The following KCNQ1 variants were observed in gnomAD, a reference collection of about 807,000 sequenced individuals.
KCNQ1 encodes the protein potassium voltage-gated channel subfamily Q member 1.
In KCNQ1, 49 loss-of-function variants were observed where a neutral mutation model predicts 72.4. The ratio of observed to expected loss-of-function variants is 0.68; its 90% CI spans 0.54 to 0.86. The LOEUF (loss-of-function observed/expected upper bound fraction) is 0.86. KCNQ1 is among the 40% of genes least tolerant of loss of function. The pLI, the probability that KCNQ1 is intolerant of heterozygous loss-of-function variation, is 0.00. For missense variants in KCNQ1, 790 were observed against 945.1 expected, an observed-to-expected ratio of 0.84 and a Z score of 2.15; for synonymous variants, 450 against 412.6, an observed-to-expected ratio of 1.09 and a Z score of -1.10.
At position 2,486,278 on chromosome 11, in the gene KCNQ1, T is replaced by C. The variant is rs1846739511; in HGVS notation, c.386+40794T>C. On this transcript the variant is annotated intron_variant, in intron 1 of 15. Transcript: ENST00000155840. This position sits in a 1 kb window ranked among gnomAD's most constrained non-coding sequence, Gnocchi z 5.0. ...GTTGAGTATCTTTTCATGCTCTTAT[T>C]AGCCATTTGTATATCTTCTTTGGAG... Among the ~76,000 whole-genome samples, 1 of 152,224 alleles carries C rather than the reference T, an allele frequency of 6.6e-6. No individual in the cohort carries two copies. The highest frequency in any genetic ancestry group is 1.5e-5 in the Non-Finnish European group (1 of 68,024).
rs372176660 is a variant in KCNQ1 at position 2,824,750 on chromosome 11, G to A, written c.1795-23017G>A. Among the ~76,000 whole-genome samples, 14 of 151,586 alleles carry A rather than the reference G, an allele frequency of 9.2e-5. No homozygotes were observed. The highest frequency in any genetic ancestry group is 1.3e-4 in the Non-Finnish European group (9 of 67,674). On this transcript the variant is annotated intron_variant, in intron 15 of 15. Coordinates refer to ENST00000155840, the MANE Select transcript of KCNQ1 (RefSeq NM_000218.3). This position sits in a 1 kb window ranked among gnomAD's most constrained non-coding sequence, Gnocchi z 5.9. Reference sequence around the variant, plus strand: ...GAGCTTGGGCATCCTAGAGGCCCCCGGGACAGCTTTGAGGAAGGAACGTCC... The same window carrying A: ...GAGCTTGGGCATCCTAGAGGCCCCCAGGACAGCTTTGAGGAAGGAACGTCC...
chr11:2,606,880 A>G (rs114446108), intron 10 of KCNQ1, among the ~76,000 whole-genome samples: 1,537 of 144,808 alleles, frequency 0.011, 21 homozygotes, highest in African/African-American at 0.034. Context: ...GTTAAGTATG[A>G]TATTATCTGT....
In KCNQ1 at chr11:2,824,033, G is replaced by T. The variant is rs574080115; in HGVS notation, c.1795-23734G>T. Among the ~76,000 whole-genome samples the T allele has an allele frequency of 6.6e-6, 1 of 152,282 alleles. No homozygotes were observed. The highest frequency in any genetic ancestry group is 2.1e-4 in the South Asian group (1 of 4,814). On this transcript the variant is annotated intron_variant, in intron 15 of 15. Transcript: ENST00000155840. The surrounding 1 kb of genome is among the most constrained non-coding windows in gnomAD (Gnocchi z 5.9). Reference sequence around the variant, plus strand: ...AGCTGGGCATGCACACTAAGGCCTGGAGGCTTGTGCTTATCCATCATATAG... The same window carrying T: ...AGCTGGGCATGCACACTAAGGCCTGTAGGCTTGTGCTTATCCATCATATAG...
intron 1 of KCNQ1, among the ~76,000 whole-genome samples, chr11:2,496,524 T>TTTTTTTA (rs1182469581): frequency 7.2e-6 from 1 of 138,450 alleles, no homozygotes; most frequent in Admixed American, 7.6e-5. Context: ...TTTTTTTGCT[T>TTTTTTTA]TCCATTGCTT....
intron 1 of KCNQ1, among the ~76,000 whole-genome samples, chr11:2,512,880 C>T (rs1413941907): frequency 2.0e-5 from 3 of 152,332 alleles, no homozygotes; most frequent in South Asian, 2.1e-4. Context: ...TGGCGAGATC[C>T]TTGCTGTGTC....
intron 15 of KCNQ1, among the ~76,000 whole-genome samples, chr11:2,833,429 G>A (rs1847994630): frequency 6.6e-6 from 1 of 152,170 alleles, no homozygotes; most frequent in South Asian, 2.1e-4. Context: ...AGACTGCATA[G>A]ATGTGAGGGA....
At chr11:2,628,044 G>A (rs899754211) in intron 10 of KCNQ1, 7 of 398,474 alleles carry the variant, frequency 1.8e-5, no homozygotes, top group African/African-American at 4.1e-5. Context: ...AAGCCACCAT[G>A]CCTATGAATA....
chr11:2,796,126 G>A (rs1054123602), intron 15 of KCNQ1, among the ~76,000 whole-genome samples: 10 of 152,234 alleles, frequency 6.6e-5, no homozygotes, highest in East Asian at 1.9e-4. Context: ...GGCTTATGGC[G>A]CAATGCACTT....
At chr11:2,453,685 A>G (rs921734241) in intron 1 of KCNQ1, among the ~76,000 whole-genome samples, 3 of 152,224 alleles carry the variant, frequency 2.0e-5, no homozygotes, top group African/African-American at 7.2e-5. Context: ...TCTGTGAGGA[A>G]GGGATTTGGC....
intron 11 of KCNQ1, among the ~76,000 whole-genome samples, chr11:2,738,954 A>G (rs1251120344): frequency 6.6e-6 from 1 of 152,198 alleles, no homozygotes; most frequent in Non-Finnish European, 1.5e-5. Flanking sequence ...ACTCACCAGC[A>G]GGGTTGGGGC....
In KCNQ1 at chr11:2,691,436, G is replaced by C; in HGVS notation, c.1514+29355G>C. ...TGTGGGGAGTCCACTGAAGCTCCCTGCCCCCACTGAGTCTCTGATGTTGAC... is the reference window on the plus strand; with the variant it reads ...TGTGGGGAGTCCACTGAAGCTCCCTCCCCCCACTGAGTCTCTGATGTTGAC... On this transcript the variant is annotated intron_variant, in intron 11 of 15. Transcript: ENST00000155840. The surrounding 1 kb of genome is among the most constrained non-coding windows in gnomAD (Gnocchi z 6.4). 2.5e-6 allele frequency: 1 copy of C among 398,606 alleles called. No homozygotes were observed. The allele number at this position is 398,606 out of a possible 1,614,324, so 24.7% of individuals were successfully genotyped here. A position where few individuals can be genotyped will look rare whatever the true frequency, so the allele number is the denominator to read the frequency against.
intron 15 of KCNQ1, among the ~76,000 whole-genome samples, chr11:2,842,207 C>T (rs891063254): frequency 6.6e-6 from 1 of 152,056 alleles, no homozygotes; most frequent in African/African-American, 2.4e-5. Context: ...AGCCTGAGCA[C>T]AGGGGCTGCC....
chr11:2,694,741 A>C (rs1344363665), intron 11 of KCNQ1: 4 of 398,536 alleles, frequency 1.0e-5, no homozygotes, highest in Admixed American at 8.8e-5. Context: ...ACAAATAAGT[A>C]GATGTCTAAG....
chr11:2,558,705 C>T (rs1848110088), intron 2 of KCNQ1, among the ~76,000 whole-genome samples: 2 of 152,074 alleles, frequency 1.3e-5, no homozygotes, highest in African/African-American at 4.8e-5. Context: ...CCGCCTGAAA[C>T]GTGTGTAACT....
chr11:2,487,310 G>T (rs1335995260), intron 1 of KCNQ1, among the ~76,000 whole-genome samples: 3 of 152,146 alleles, frequency 2.0e-5, no homozygotes, highest in Non-Finnish European at 4.4e-5. Flanking sequence ...AAAGTGTTAG[G>T]CTTCCAGCTT....
At chr11:2,453,130 T>C (rs917592558) in intron 1 of KCNQ1, among the ~76,000 whole-genome samples, 1 of 152,204 alleles carries the variant, frequency 6.6e-6, no homozygotes, top group Non-Finnish European at 1.5e-5. Flanking sequence ...TCCCAGCACT[T>C]TGGGAGGCCA....
Position 2,690,716 on chromosome 11 carries a change from A to T in KCNQ1, c.1514+28635A>T, listed in dbSNP as rs1850574406. On this transcript the variant is annotated intron_variant, in intron 11 of 15. Coordinates refer to ENST00000155840, the MANE Select transcript of KCNQ1 (RefSeq NM_000218.3). The surrounding 1 kb of genome is among the most constrained non-coding windows in gnomAD (Gnocchi z 5.1). ...AGAATTCCTGAGGGCTTTCCATTTG[A>T]TCCCAGTGGTTGAAGATGGAGTATG... 5 of 398,518 alleles carry T rather than the reference A, an allele frequency of 1.3e-5. No individual in the cohort carries two copies. The Admixed American group carries it at 2.2e-4, about 18-fold the overall frequency. The allele number at this position is 398,518 out of a possible 1,614,324, so 24.7% of individuals were successfully genotyped here.
chr11:2,604,426 C>T (rs536822660), intron 10 of KCNQ1, among the ~76,000 whole-genome samples: 19 of 151,248 alleles, frequency 1.3e-4, no homozygotes, highest in East Asian at 4.0e-4. Context: ...TGCAGTGAGC[C>T]GAGACTGTGC....
In KCNQ1 at chr11:2,771,763, G is replaced by A. The variant is rs1459178320; in HGVS notation, c.1590+2844G>A. Among the ~76,000 whole-genome samples, 75 of 152,124 alleles carry A rather than the reference G, an allele frequency of 4.9e-4. 2 individuals are homozygous for A. Among genetic ancestry groups the A allele is most frequent in the Admixed American group, 4.8e-3 (74 of 15,276 alleles). Reference sequence around the variant, plus strand: ...AGAGAGAGAGAGAGAGATCATCTGCGCCAGCCCCAGCAGGCCCTGTCGCTG... The same window carrying A: ...AGAGAGAGAGAGAGAGATCATCTGCACCAGCCCCAGCAGGCCCTGTCGCTG... On this transcript the variant is annotated intron_variant, in intron 12 of 15. Transcript: ENST00000155840.
Sources: allele counts gnomAD v4.1 joint callset (sites outside exome capture counted in the v4.1 genomes callset), GRCh38; gene constraint gnomAD v4.1.1; non-coding constraint Gnocchi (gnomAD v3.1); transcripts MANE v1.5; gene names NCBI Gene and HGNC (gene_info 2026-07-23, HGNC 2026-07-21).